ADAMTS6: variants seen among roughly 807,000 people sequenced by gnomAD.
ADAMTS6 encodes the protein ADAM metallopeptidase with thrombospondin type 1 motif 6.
ADAMTS6 carries 23 observed loss-of-function variants against 144.3 expected under a neutral mutation model. That is an observed-to-expected ratio of 0.16 (90% CI 0.11 to 0.23). ADAMTS6 has a LOEUF of 0.23. ADAMTS6 is among the 10% of genes least tolerant of loss of function. ADAMTS6 has a pLI of 1.00. For missense variants in ADAMTS6, 999 were observed against 1,379.6 expected (o/e 0.72, Z 4.37); for synonymous variants, 444 against 457.5 (o/e 0.97, Z 0.38).
chr5:65,372,557 C>T (rs1431624706), intron 7 of ADAMTS6, among the ~76,000 whole-genome samples: 13 of 151,940 alleles, frequency 8.6e-5, no homozygotes, highest in African/African-American at 3.1e-4. Context: ...GAAGAGCTAA[C>T]TATCCTAAAT....
At chr5:65,171,651 A>G (rs1753638139) in intron 23 of ADAMTS6, among the ~76,000 whole-genome samples, 1 of 152,120 alleles carries the variant, frequency 6.6e-6, no homozygotes, top group Non-Finnish European at 1.5e-5. Context: ...ATGTGATTAA[A>G]CTATTAGTTC....
At chr5:65,397,571 G>A (rs868700143) in intron 7 of ADAMTS6, among the ~76,000 whole-genome samples, 2 of 151,978 alleles carry the variant, frequency 1.3e-5, no homozygotes, top group Admixed American at 1.3e-4. Flanking sequence ...TGACCCATGT[G>A]TTATTTAGAA....
At chr5:65,357,976 T>C (rs1749489625) in intron 7 of ADAMTS6, among the ~76,000 whole-genome samples, 1 of 151,904 alleles carries the variant, frequency 6.6e-6, no homozygotes, top group South Asian at 2.1e-4. Flanking sequence ...TCCAAACTCA[T>C]TTAATAAGGC....
At chr5:65,182,392 C>T (rs572239964) in intron 22 of ADAMTS6, among the ~76,000 whole-genome samples, 34 of 143,890 alleles carry the variant, frequency 2.4e-4, no homozygotes, top group Middle Eastern at 3.9e-3. Context: ...TGCAGTGAAT[C>T]GAGACCGTGC....
chr5:65,169,897 G>C (rs35129361), intron 24 of ADAMTS6, among the ~76,000 whole-genome samples: 1 of 116,960 alleles, frequency 8.5e-6, no homozygotes, highest in Non-Finnish European at 1.7e-5. Flanking sequence ...GGGGAGGGGG[G>C]AGGGGGGAGG....
Position 65,391,419 on chromosome 5 carries a change from TACACACACAC to T in ADAMTS6, c.1074-57344_1074-57335del, listed in dbSNP as rs34581260. Among the ~76,000 whole-genome samples the T allele has an allele frequency of 2.2e-4, 33 of 148,708 alleles. 1 individual carries two copies. Among genetic ancestry groups the T allele is most frequent in the Admixed American group, 1.2e-3 (18 of 14,874 alleles). ...TGCAGCCATGTTCTCTGTGTCTCTC[TACACACACAC>T]ACACACACACACACACACACACTTT... On this transcript the variant is annotated intron_variant, in intron 7 of 24. Transcript: ENST00000381055.
rs537040415 is a variant in ADAMTS6 at position 65,478,586 on chromosome 5, CTTCA to C, written c.-280+2753_-280+2756del. Among the ~76,000 whole-genome samples the C allele has an allele frequency of 2.2e-3, 342 of 152,266 alleles. 1 individual carries two copies. The highest frequency in any genetic ancestry group is 7.8e-3 in the African/African-American group (325 of 41,548). Reference sequence around the variant, plus strand: ...AGCTAAATAATATTAGCCCTCCTTCCTTCATTATCTAACATCACTTTTCAAAGCC... The same window carrying C: ...AGCTAAATAATATTAGCCCTCCTTCCTTATCTAACATCACTTTTCAAAGCC... On this transcript the variant is annotated intron_variant, in intron 1 of 24. Coordinates refer to ENST00000381055, the MANE Select transcript of ADAMTS6 (RefSeq NM_197941.4).
chr5:65,434,822 C>T (rs1757267496), intron 7 of ADAMTS6, among the ~76,000 whole-genome samples: 1 of 152,124 alleles, frequency 6.6e-6, no homozygotes, highest in Non-Finnish European at 1.5e-5. Flanking sequence ...TTGTAGAGCA[C>T]TTAGTCAGTG....
intron 7 of ADAMTS6, among the ~76,000 whole-genome samples, chr5:65,431,419 C>T (rs1756991463): frequency 6.6e-6 from 1 of 152,118 alleles, no homozygotes; most frequent in Non-Finnish European, 1.5e-5. Context: ...TTTCATATGC[C>T]TTTTCAAAAA....
chr5:65,162,299 G>A (rs1752823852), intron 24 of ADAMTS6, among the ~76,000 whole-genome samples: 1 of 152,194 alleles, frequency 6.6e-6, no homozygotes, highest in Non-Finnish European at 1.5e-5. Context: ...TTTTAGGCAT[G>A]TCAAAAGGCA....
chr5:65,292,778 A>G (rs1304537616), intron 10 of ADAMTS6, among the ~76,000 whole-genome samples: 1 of 152,120 alleles, frequency 6.6e-6, no homozygotes, highest in African/African-American at 2.4e-5. Flanking sequence ...TAAGTATGGT[A>G]CTAATACAGA....
intron 14 of ADAMTS6, among the ~76,000 whole-genome samples, chr5:65,253,508 C>A (rs1044744610): frequency 6.6e-6 from 1 of 152,030 alleles, no homozygotes; most frequent in African/African-American, 2.4e-5. Context: ...TCTTTCAAAT[C>A]TTATTTATAA....
chr5:65,172,815 C>T lies in ADAMTS6; in HGVS notation c.3087+17G>A, dbSNP rs775284460. On this transcript the variant is annotated intron_variant, in intron 23 of 24. Transcript: ENST00000381055. ...AAGGTGCTATTTCAGCAGGAGCCCACAGTACAAACGCCTTACCTGGCCCCA... is the reference window on the plus strand; with the variant it reads ...AAGGTGCTATTTCAGCAGGAGCCCATAGTACAAACGCCTTACCTGGCCCCA... The T allele has an allele frequency of 1.2e-6, 2 of 1,609,184 alleles. No homozygotes were observed. Among genetic ancestry groups the T allele is most frequent in the African/African-American group, 2.7e-5 (2 of 74,680 alleles).
chr5:65,374,002 A>G (rs1243819625), intron 7 of ADAMTS6, among the ~76,000 whole-genome samples: 1 of 152,216 alleles, frequency 6.6e-6, no homozygotes, highest in African/African-American at 2.4e-5. Flanking sequence ...AACCAAAGAG[A>G]AAAACCACAT....
chr5:65,416,272 T>G (rs1234228092), intron 7 of ADAMTS6: 1 of 153,542 alleles, frequency 6.5e-6, no homozygotes, highest in Non-Finnish European at 1.5e-5. Context: ...TGTTTTTGTT[T>G]TTTTTAAAGA....
chr5:65,402,371 G>A (rs1753994384), intron 7 of ADAMTS6, among the ~76,000 whole-genome samples: 1 of 152,102 alleles, frequency 6.6e-6, no homozygotes, highest in Non-Finnish European at 1.5e-5. Flanking sequence ...CATGCTGACT[G>A]ATTTCACTTT....
At chr5:65,301,570 T>C (rs1743376479) in intron 9 of ADAMTS6, among the ~76,000 whole-genome samples, 1 of 152,192 alleles carries the variant, frequency 6.6e-6, no homozygotes, top group Admixed American at 6.5e-5. Context: ...AATTGATCTG[T>C]CTATTAGACA....
At chr5:65,421,062 A>T (rs1025220502) in intron 7 of ADAMTS6, among the ~76,000 whole-genome samples, 1 of 152,230 alleles carries the variant, frequency 6.6e-6, no homozygotes, top group Non-Finnish European at 1.5e-5. Flanking sequence ...TAGAACATTT[A>T]CATTCAATGT....
At chr5:65,295,916 C>T (rs1269399120) in intron 10 of ADAMTS6, among the ~76,000 whole-genome samples, 1 of 151,858 alleles carries the variant, frequency 6.6e-6, no homozygotes, top group Non-Finnish European at 1.5e-5. Context: ...CAAAAATTAG[C>T]CTTGAATATA....
Sources: gnomAD v4.1 joint callset for allele counts (sites outside exome capture counted in the v4.1 genomes callset) on GRCh38, gnomAD v4.1.1 for gene constraint, MANE v1.5 for transcripts, NCBI Gene and HGNC (gene_info 2026-07-23, HGNC 2026-07-21) for gene names.